The following TIAM1 variants were observed in gnomAD, a reference collection of about 807,000 sequenced individuals.
The protein encoded by TIAM1 is rho guanine nucleotide exchange factor TIAM1.
TIAM1 carries 65 observed loss-of-function variants against 163.5 expected under a neutral mutation model. The ratio of observed to expected loss-of-function variants is 0.40; its 90% confidence interval spans 0.33 to 0.49. The LOEUF is 0.49. TIAM1 is among the 20% of genes least tolerant of loss of function. The pLI is 0.77. For missense variants in TIAM1, 1,789 were observed against 2,044.7 expected, an observed-to-expected ratio of 0.87 and a Z score of 2.41; for synonymous variants, 833 against 810.1, an observed-to-expected ratio of 1.03 and a Z score of -0.48.
intron 1 of TIAM1, among the ~76,000 whole-genome samples, chr21:31,506,938 CCTT>C: frequency 6.6e-6 from 1 of 152,148 alleles, no homozygotes; most frequent in East Asian, 1.9e-4. Context: ...CAAAAAACTC[CCTT>C]CTTAAGGCTA....
intron 2 of TIAM1, among the ~76,000 whole-genome samples, chr21:31,296,627 T>A (rs1168406084): frequency 6.6e-6 from 1 of 151,808 alleles, no homozygotes; most frequent in Non-Finnish European, 1.5e-5. Context: ...ATCAGGGGAG[T>A]CCAGGGTCCT....
intron 20 of TIAM1, among the ~76,000 whole-genome samples, chr21:31,143,546 A>G (rs1329434090): frequency 6.6e-6 from 1 of 151,742 alleles, no homozygotes; most frequent in Admixed American, 6.6e-5. Context: ...TTTTTATTAG[A>G]AAGCTTAAAA....
At chr21:31,333,704 T>G (rs781157664) in intron 2 of TIAM1, among the ~76,000 whole-genome samples, 14 of 152,234 alleles carry the variant, frequency 9.2e-5, no homozygotes, top group Non-Finnish European at 1.8e-4. Context: ...CCTCCCAAAG[T>G]GCTGGGACTA....
intron 2 of TIAM1, among the ~76,000 whole-genome samples, chr21:31,458,818 G>A (rs1454148020): frequency 2.6e-5 from 4 of 152,150 alleles, no homozygotes; most frequent in East Asian, 1.9e-4. Flanking sequence ...AAGCCTGTCC[G>A]GGGAGGCGAT....
At position 31,337,518 on chromosome 21, in the gene TIAM1, GTTATTA is replaced by G. The variant is rs55760697; in HGVS notation, c.-189+1719_-189+1724del. On this transcript the variant is annotated intron_variant, in intron 2 of 27. Transcript: ENST00000541036. Reference sequence around the variant, plus strand: ...TGTTGTTTTTATTATTATTATTGTTGTTATTATTATTATTATTATTATTATTATTTT... The same window carrying G: ...TGTTGTTTTTATTATTATTATTGTTGTTATTATTATTATTATTATTATTTT... Among the ~76,000 whole-genome samples the G allele has an allele frequency of 4.9e-3, 719 of 147,266 alleles. 7 individuals are homozygous for G. Among genetic ancestry groups the G allele is most frequent in the African/African-American group, 0.016 (645 of 39,578 alleles).
At chr21:31,378,697 T>A (rs1430209621) in intron 2 of TIAM1, among the ~76,000 whole-genome samples, 1 of 152,042 alleles carries the variant, frequency 6.6e-6, no homozygotes, top group Non-Finnish European at 1.5e-5. Flanking sequence ...GCCAAGAGAG[T>A]TGGTCTTCGG....
At chr21:31,456,839 T>C (rs928036875) in intron 2 of TIAM1, among the ~76,000 whole-genome samples, 1 of 152,150 alleles carries the variant, frequency 6.6e-6, no homozygotes, top group Non-Finnish European at 1.5e-5. Context: ...CCAAAAATCC[T>C]TACCACCACC....
rs201323110 is a variant in TIAM1 at position 31,220,805 on chromosome 21, TG to T, written c.1995+2600del. On this transcript the variant is annotated intron_variant, in intron 8 of 27. Transcript: ENST00000541036. The stretch of plus-strand genomic sequence containing the variant: ...AGCTCAAGAGTTTCCCAATGATCTT[TG>T]CCCAGACAATGCCTCCCTTTGTGGC... 4.3e-4 allele frequency among the ~76,000 whole-genome samples: 65 copies of T among 152,354 alleles called. 1 individual carries two copies. The East Asian group carries it at 0.012, about 29-fold the overall frequency.
At chr21:31,498,304 T>TA (rs781604132) in intron 1 of TIAM1, among the ~76,000 whole-genome samples, 12 of 152,232 alleles carry the variant, frequency 7.9e-5, no homozygotes, top group Non-Finnish European at 1.6e-4. Context: ...CTCACCACGT[T>TA]AAACTTCATG....
At chr21:31,220,157 ACT>A (rs2087477029) in intron 8 of TIAM1, among the ~76,000 whole-genome samples, 1 of 152,230 alleles carries the variant, frequency 6.6e-6, no homozygotes, top group Non-Finnish European at 1.5e-5. Context: ...GACATATATT[ACT>A]GTTTGCTTTC....
At chr21:31,513,750 G>A (rs2047288832) in intron 1 of TIAM1, among the ~76,000 whole-genome samples, 1 of 152,216 alleles carries the variant, frequency 6.6e-6, no homozygotes, top group Admixed American at 6.5e-5. Flanking sequence ...ACTCATGCCT[G>A]TAATTCCAGC....
chr21:31,410,389 G>A (rs934306576), intron 2 of TIAM1, among the ~76,000 whole-genome samples: 46 of 151,232 alleles, frequency 3.0e-4, no homozygotes, highest in African/African-American at 1.0e-3. Context: ...TGTGTGTGAC[G>A]GTACGTAAAT....
chr21:31,505,439 A>G (rs770929328), intron 1 of TIAM1, among the ~76,000 whole-genome samples: 4 of 152,238 alleles, frequency 2.6e-5, no homozygotes, highest in Non-Finnish European at 5.9e-5. Flanking sequence ...CAAGAAAAAA[A>G]AAAGTAAATG....
intron 7 of TIAM1, 32 bp from the exon 8 acceptor site, chr21:31,223,623 G>A: frequency 1.9e-6 from 3 of 1,563,102 alleles, no homozygotes; most frequent in Non-Finnish European, 2.6e-6. Context: ...AAAAGAAAAA[G>A]TGAGAAAATG....
chr21:31,147,681 TAAATATATATTCTATA>T (rs1370907369), intron 19 of TIAM1, among the ~76,000 whole-genome samples: 1 of 144,346 alleles, frequency 6.9e-6, no homozygotes, highest in Admixed American at 7.1e-5. Flanking sequence ...TAGATATATA[TAAATATATATTCTATA>T]AAATATATAT....
chr21:31,122,643 A>T (rs1210022170), intron 27 of TIAM1, among the ~76,000 whole-genome samples: 1 of 152,176 alleles, frequency 6.6e-6, no homozygotes, highest in African/African-American at 2.4e-5. Flanking sequence ...ACAAAGAAAA[A>T]AATTTTTAAT....
At chr21:31,411,677 T>C (rs575193464) in intron 2 of TIAM1, among the ~76,000 whole-genome samples, 2 of 152,216 alleles carry the variant, frequency 1.3e-5, no homozygotes, top group African/African-American at 4.8e-5. Flanking sequence ...GGTTTCACCA[T>C]GTTGGCTAGG....
At chr21:31,490,248 T>G (rs2046420503) in intron 1 of TIAM1, among the ~76,000 whole-genome samples, 1 of 152,188 alleles carries the variant, frequency 6.6e-6, no homozygotes. Flanking sequence ...TAATTCTACT[T>G]TATGTAAAAT....
chr21:31,460,980 G>GTTTTATCT (rs1254333272), intron 2 of TIAM1, among the ~76,000 whole-genome samples: 2 of 152,078 alleles, frequency 1.3e-5, no homozygotes, highest in African/African-American at 2.4e-5. Context: ...AAGGAAAAAT[G>GTTTTATCT]AATAACTTAG....
Sources: allele counts gnomAD v4.1 joint callset (sites outside exome capture counted in the v4.1 genomes callset), GRCh38; gene constraint gnomAD v4.1.1; transcripts MANE v1.5; gene names NCBI Gene and HGNC (gene_info 2026-07-23, HGNC 2026-07-21).